Variants in NTRK1 observed in about 807,000 individuals in gnomAD.
NTRK1 encodes neurotrophic receptor tyrosine kinase 1.
In NTRK1, 62 loss-of-function variants were observed where a neutral mutation model predicts 86.8. The ratio of observed to expected loss-of-function variants is 0.71; its 90% CI spans 0.58 to 0.88. NTRK1 has a LOEUF of 0.88. NTRK1 is among the 40% of genes least tolerant of loss of function. The pLI, the probability that NTRK1 is intolerant of heterozygous loss-of-function variation, is 0.00. For missense variants in NTRK1, 967 were observed against 1,078.4 expected (o/e 0.90, Z 1.45); for synonymous variants, 469 against 456.6 (o/e 1.03, Z -0.35).
rs371498291 is a variant in NTRK1 at position 156,873,861 on chromosome 1, C to T, written c.1079C>T (p.Thr360Met). The T allele has an allele frequency of 3.9e-5, 62 of 1,604,790 alleles. No homozygotes were observed. The highest frequency in any genetic ancestry group is 4.6e-5 in the Non-Finnish European group (54 of 1,175,568). ...ACCCACGTCAACAACGGCAACTACA[C>T]GCTGCTGGCTGCCAACCCCTTCGGC... ...QPTHVNNGNY[T>M]LLAANPFGQA... The change falls in exon 8 of 17, where the codon ACG becomes ATG. Residue 360 changes from threonine to methionine, a missense_variant. By Grantham distance (81) the Thr-to-Met change is moderately conservative (BLOSUM62 -1). Transcript: ENST00000524377.
chr1:156,824,366 G>A (rs1275833924), intron 1 of NTRK1, among the ~76,000 whole-genome samples: 1 of 152,118 alleles, frequency 6.6e-6, no homozygotes, highest in Non-Finnish European at 1.5e-5. Flanking sequence ...TGGTTATATG[G>A]ACCCTCTACC....
intron 2 of NTRK1, among the ~76,000 whole-genome samples, chr1:156,853,110 TCCTAAAGGTCCCA>T (rs1388581448): frequency 6.6e-6 from 1 of 152,132 alleles, no homozygotes; most frequent in Non-Finnish European, 1.5e-5. Context: ...CCTTGCATCA[TCCTAAAGGTCCCA>T]CCTTACATCT....
rs1045899022 is a variant in NTRK1 at position 156,864,510 on chromosome 1, G to A, written c.287+82G>A. On this transcript the variant is annotated intron_variant, in intron 2 of 16. Coordinates refer to ENST00000524377, the MANE Select transcript of NTRK1 (RefSeq NM_002529.4). Reference sequence around the variant, plus strand: ...AAGGTCAGGGAGGGCTCAAGCATCCGAGGGCCTGGGAGGACCTGAGAGGCT... The same window carrying A: ...AAGGTCAGGGAGGGCTCAAGCATCCAAGGGCCTGGGAGGACCTGAGAGGCT... 3.4e-5 allele frequency: 48 copies of A among 1,411,690 alleles called. No homozygotes were observed. In the African/African-American group the frequency reaches 4.0e-4, roughly 12 times the overall value. The allele number at this position is 1,411,690 out of a possible 1,614,324, so 87.4% of individuals were successfully genotyped here.
chr1:156,855,634 G>A (rs1655382865), intron 2 of NTRK1, among the ~76,000 whole-genome samples: 1 of 152,068 alleles, frequency 6.6e-6, no homozygotes. Context: ...ACCAGCCTGG[G>A]CAACATGGCA....
chr1:156,876,790 G>A (rs1161751195), intron 14 of NTRK1, among the ~76,000 whole-genome samples: 1 of 152,196 alleles, frequency 6.6e-6, no homozygotes, highest in Non-Finnish European at 1.5e-5. Flanking sequence ...AGTAGTCAGG[G>A]AGGTTGCGAT....
intron 14 of NTRK1, among the ~76,000 whole-genome samples, chr1:156,878,040 T>C (rs1648024945): frequency 1.3e-5 from 2 of 152,156 alleles, no homozygotes; most frequent in African/African-American, 4.8e-5. Context: ...GATACCAGCA[T>C]CTGGGGCCCA....
intron 2 of NTRK1, among the ~76,000 whole-genome samples, chr1:156,847,670 G>C (rs1037545263): frequency 6.6e-6 from 1 of 152,026 alleles, no homozygotes; most frequent in Non-Finnish European, 1.5e-5. Context: ...GAGCAGGTTG[G>C]GGGGGTGGGG....
rs1466143383 is a variant in NTRK1, at chr1:156,822,280, C to T, written c.-64+6442C>T. Among the ~76,000 whole-genome samples, 6 of 152,288 alleles carry T rather than the reference C, an allele frequency of 3.9e-5. No individual in the cohort carries two copies. In the East Asian group the frequency reaches 5.8e-4, roughly 15 times the overall value. ...TACTTATTCCTTAAGAAGGGAGCTACAGATCCTGCCAGTCACAGGGTCCCC... is the reference window on the plus strand; with the variant it reads ...TACTTATTCCTTAAGAAGGGAGCTATAGATCCTGCCAGTCACAGGGTCCCC... On this transcript the variant is annotated intron_variant, in intron 1 of 16. Coordinates refer to the NTRK1 transcript ENST00000392302.
At chr1:156,859,920 C>A (rs1655551752), upstream of NTRK1, among the ~76,000 whole-genome samples, 1 of 152,322 alleles carries the variant, frequency 6.6e-6, no homozygotes, top group South Asian at 2.1e-4. The surrounding 1 kb of genome is among the most constrained non-coding windows in gnomAD (Gnocchi z 6.2). Context: ...GGGTTGGGAC[C>A]AGCCTTCTGC....
intron 1 of NTRK1, among the ~76,000 whole-genome samples, chr1:156,827,778 A>C (rs1654362013): frequency 6.6e-6 from 1 of 152,146 alleles, no homozygotes; most frequent in Non-Finnish European, 1.5e-5. Flanking sequence ...TGAACCTGAA[A>C]TGGTCAGCTT....
chr1:156,873,812 GGGTGTCTGCGCCT>G lies in NTRK1; in HGVS notation c.1031_1043del (p.Gly344AlafsTer122), dbSNP rs1571696060. On this transcript the variant is annotated frameshift_variant, in exon 8 of 17. Transcript: ENST00000524377. LOFTEE classifies it high-confidence loss of function. ...GGCAGCCAATGAGACCGTGCGGCAC[GGGTGTCTGCGCCT>G]CAACCAGCCCACCCACGTCAACAAC... The G allele has an allele frequency of 1.2e-6, 2 of 1,612,634 alleles. No individual in the cohort carries two copies. The highest frequency in any genetic ancestry group is 1.7e-6 in the Non-Finnish European group (2 of 1,179,428).
chr1:156,816,320 C>G (rs751893003), intron 1 of NTRK1, among the ~76,000 whole-genome samples: 3 of 152,196 alleles, frequency 2.0e-5, no homozygotes, highest in Non-Finnish European at 4.4e-5. Flanking sequence ...CACCAGGTGC[C>G]TAGAAGGAGA....
chr1:156,837,120 G>A (rs1654615969), intron 1 of NTRK1: 1 of 152,244 alleles, frequency 6.6e-6, no homozygotes, highest in Admixed American at 6.5e-5. Context: ...TGCAGCTGAG[G>A]AATTGATCTC....
chr1:156,857,157 CTGTGTATGTGTG>C (rs1415827384), upstream of NTRK1, among the ~76,000 whole-genome samples: 33 of 121,390 alleles, frequency 2.7e-4, no homozygotes, highest in East Asian at 9.2e-4. Flanking sequence ...TGCCCAGCAG[CTGTGTATGTGTG>C]TGTGTGTGTG....
rs1295643709 is a variant in NTRK1 at position 156,873,734 on chromosome 1, A to G, written c.952A>G (p.Asn318Asp). 43 of 1,612,898 alleles carry G rather than the reference A, an allele frequency of 2.7e-5. No homozygotes were observed. The highest frequency in any genetic ancestry group is 3.6e-5 in the Non-Finnish European group (43 of 1,179,710). Residue 318 changes from asparagine (N) to aspartate (D), a missense_variant, in exon 8 of 17, where the codon AAT (asparagine) becomes GAT (aspartate). This residue lies in a region of NTRK1 where 637 missense variants were observed against 776.5 expected (regional missense o/e 0.82). Transcript: ENST00000524377. ...QPAPSLRWLF[N>D]GSVLNETSFI... is the part of the protein sequence containing the mutation. ...GGCACCGTCTCTGCGCTGGCTCTTCAATGGCTCCGTGCTCAATGAGACCAG... is the reference window on the plus strand; with the variant it reads ...GGCACCGTCTCTGCGCTGGCTCTTCGATGGCTCCGTGCTCAATGAGACCAG...
At chr1:156,869,787 GT>G (rs769026400) in intron 6 of NTRK1, among the ~76,000 whole-genome samples, 3 of 152,216 alleles carry the variant, frequency 2.0e-5, no homozygotes, top group African/African-American at 4.8e-5. Context: ...GTAGCCACAG[GT>G]AACTCAGTCG....
At chr1:156,836,468 T>C (rs368145056) in intron 1 of NTRK1, among the ~76,000 whole-genome samples, 1 of 152,322 alleles carries the variant, frequency 6.6e-6, no homozygotes, top group African/African-American at 2.4e-5. Context: ...GCCTTGGTGA[T>C]TGACAGCTAC....
chr1:156,878,739 C>T (rs1479304278), intron 14 of NTRK1, among the ~76,000 whole-genome samples: 1 of 152,138 alleles, frequency 6.6e-6, no homozygotes, highest in African/African-American at 2.4e-5. Context: ...TCAGGGTCTG[C>T]CTGGGTGGGA....
intron 7 of NTRK1, 21 bp downstream of exon 7, chr1:156,871,776 C>T (rs534365668): frequency 1.4e-5 from 22 of 1,613,842 alleles, no homozygotes; most frequent in South Asian, 7.7e-5. Context: ...GTGGCAGCTC[C>T]GGCACCCACC....
Sources: gnomAD v4.1 joint callset for allele counts (sites outside exome capture counted in the v4.1 genomes callset) on GRCh38, gnomAD v4.1.1 for gene constraint, gnomAD v4.1.1 regional missense constraint, Gnocchi (gnomAD v3.1) non-coding constraint, MANE v1.5 for transcripts, NCBI Gene and HGNC (gene_info 2026-07-23, HGNC 2026-07-21) for gene names.